The following CAMKMT variants were observed in gnomAD, a reference collection of about 807,000 sequenced individuals.
The protein encoded by CAMKMT is CaM KMT.
Under a neutral mutation model 48.0 loss-of-function variants are expected in CAMKMT, and 53 were observed. The observed-to-expected ratio is 1.10, with a 90% CI of 0.89 to 1.39. CAMKMT has a LOEUF of 1.39. Ranked by LOEUF, CAMKMT falls within the 40% of genes most tolerant of loss-of-function variation. CAMKMT has a pLI of 0.00. For missense variants in CAMKMT, 428 were observed against 402.7 expected, an observed-to-expected ratio of 1.06 and a Z score of -0.54; for synonymous variants, 165 against 152.3, an observed-to-expected ratio of 1.08 and a Z score of -0.61.
chr2:44,366,396 A>ATCTAAATTTTTGTTT (rs1333843592), intron 1 of CAMKMT, among the ~76,000 whole-genome samples: 1 of 152,170 alleles, frequency 6.6e-6, no homozygotes, highest in African/African-American at 2.4e-5. Context: ...TTGTTTTGGA[A>ATCTAAATTTTTGTTT]TGTATTTTTG....
chr2:44,405,063 T>A (rs911801570), intron 3 of CAMKMT, among the ~76,000 whole-genome samples: 1 of 152,048 alleles, frequency 6.6e-6, no homozygotes, highest in Admixed American at 6.6e-5. Context: ...TTGTAAAAAA[T>A]GAATGATAGA....
At chr2:44,769,362 G>A (rs1168554363) in intron 10 of CAMKMT, among the ~76,000 whole-genome samples, 1 of 152,184 alleles carries the variant, frequency 6.6e-6, no homozygotes, top group African/African-American at 2.4e-5. Flanking sequence ...CAGGAACCAG[G>A]CAGCCAAAGG....
chr2:44,593,963 G>A (rs1348697669), intron 3 of CAMKMT, among the ~76,000 whole-genome samples: 2 of 151,834 alleles, frequency 1.3e-5, no homozygotes, highest in Admixed American at 6.6e-5. Flanking sequence ...GGGTTTCTCT[G>A]TGTTGGTCAG....
chr2:44,388,412 T>A (rs573996195), intron 2 of CAMKMT, among the ~76,000 whole-genome samples: 2 of 152,154 alleles, frequency 1.3e-5, no homozygotes, highest in Non-Finnish European at 2.9e-5. Flanking sequence ...TCACTTCTTA[T>A]ATTGTTCTTT....
chr2:44,538,958 C>CTGTGTGTG (rs57970764), intron 3 of CAMKMT, among the ~76,000 whole-genome samples: 3 of 140,128 alleles, frequency 2.1e-5, no homozygotes, highest in Non-Finnish European at 3.1e-5. Flanking sequence ...GTGTGTGTGT[C>CTGTGTGTG]TGTGTGTGTG....
At chr2:44,701,876 TG>T (rs1438164846) in intron 3 of CAMKMT, among the ~76,000 whole-genome samples, 1 of 152,180 alleles carries the variant, frequency 6.6e-6, no homozygotes, top group Non-Finnish European at 1.5e-5. Flanking sequence ...AAGATCCCAT[TG>T]GTGTAAAATA....
chr2:44,489,557 T>C (rs1669384689), intron 3 of CAMKMT, among the ~76,000 whole-genome samples: 1 of 152,166 alleles, frequency 6.6e-6, no homozygotes, highest in Non-Finnish European at 1.5e-5. Context: ...GAATACTTTT[T>C]ATATTCTGAT....
At chr2:44,558,656 T>C (rs1200987301) in intron 3 of CAMKMT, among the ~76,000 whole-genome samples, 3 of 152,132 alleles carry the variant, frequency 2.0e-5, no homozygotes, top group Non-Finnish European at 4.4e-5. Flanking sequence ...TGGGAGGCCA[T>C]TATCCTAAGC....
intron 3 of CAMKMT, among the ~76,000 whole-genome samples, chr2:44,590,830 T>C (rs1319499859): frequency 6.6e-6 from 1 of 151,830 alleles, no homozygotes; most frequent in Non-Finnish European, 1.5e-5. Flanking sequence ...TCCTTGCCCA[T>C]GCCTATGTCC....
chr2:44,640,612 C>T (rs1294589344), intron 3 of CAMKMT, among the ~76,000 whole-genome samples: 2 of 152,180 alleles, frequency 1.3e-5, no homozygotes, highest in Non-Finnish European at 2.9e-5. Context: ...GCACACCACA[C>T]ACTGCCCAAT....
intron 3 of CAMKMT, among the ~76,000 whole-genome samples, chr2:44,394,572 C>T (rs765078438): frequency 2.0e-5 from 3 of 152,100 alleles, no homozygotes; most frequent in East Asian, 1.9e-4. Context: ...GGATTACAGG[C>T]GCCTGCTACT....
intron 3 of CAMKMT, among the ~76,000 whole-genome samples, chr2:44,691,372 C>A (rs547318237): frequency 6.6e-6 from 1 of 152,372 alleles, no homozygotes; most frequent in East Asian, 1.9e-4. Flanking sequence ...CTGTCTTCCC[C>A]TCCCTGCTTC....
chr2:44,616,243 T>C (rs1432838489), intron 3 of CAMKMT, among the ~76,000 whole-genome samples: 1 of 152,202 alleles, frequency 6.6e-6, no homozygotes, highest in African/African-American at 2.4e-5. Context: ...AGCTGAGTGA[T>C]CTTTGAAAAA....
intron 3 of CAMKMT, among the ~76,000 whole-genome samples, chr2:44,462,618 G>C (rs1015653658): frequency 6.6e-6 from 1 of 151,926 alleles, no homozygotes; most frequent in Non-Finnish European, 1.5e-5. Flanking sequence ...TTGTTGCTGG[G>C]TCAAAGGTTT....
chr2:44,384,899 G>T (rs575707367), intron 2 of CAMKMT, among the ~76,000 whole-genome samples: 1 of 152,106 alleles, frequency 6.6e-6, no homozygotes, highest in African/African-American at 2.4e-5. Flanking sequence ...TAGTATAGTT[G>T]AAATCAGGTA....
rs146323085 is a variant in CAMKMT at position 44,703,755 on chromosome 2, C to T, written c.377-528C>T. 2.6e-3 allele frequency among the ~76,000 whole-genome samples: 341 copies of T among 128,876 alleles called. 1 individual carries two copies. Among genetic ancestry groups the T allele is most frequent in the Admixed American group, 3.5e-3 (36 of 10,348 alleles). 84.5% of individuals were successfully genotyped at this position (128,876 alleles called of 152,430 possible). A position where few individuals can be genotyped will look rare whatever the true frequency, so the allele number is the denominator to read the frequency against. On this transcript the variant is annotated intron_variant, in intron 3 of 10. Coordinates refer to ENST00000378494, the MANE Select transcript of CAMKMT (RefSeq NM_024766.5). ...ATCTCGCCACTGCACTCCAGCCTGGCGACAGAGCAAGACTCTAAAAAAAAA... is the reference window on the plus strand; with the variant it reads ...ATCTCGCCACTGCACTCCAGCCTGGTGACAGAGCAAGACTCTAAAAAAAAA...
At chr2:44,715,678 T>C (rs549458367) in intron 7 of CAMKMT, among the ~76,000 whole-genome samples, 1 of 152,228 alleles carries the variant, frequency 6.6e-6, no homozygotes, top group African/African-American at 2.4e-5. Flanking sequence ...TTCCAGTGAG[T>C]CTCAGCCTAG....
chr2:44,665,088 T>C (rs894701331), intron 3 of CAMKMT, among the ~76,000 whole-genome samples: 1 of 152,210 alleles, frequency 6.6e-6, no homozygotes, highest in Non-Finnish European at 1.5e-5. Context: ...TTTTTGTTTT[T>C]GAGACTGAGT....
chr2:44,409,847 G>A (rs1683068808), intron 3 of CAMKMT, among the ~76,000 whole-genome samples: 1 of 152,108 alleles, frequency 6.6e-6, no homozygotes, highest in African/African-American at 2.4e-5. Context: ...TGTTCATTCA[G>A]TAATTCAGTT....
Sources: allele counts gnomAD v4.1 joint callset (sites outside exome capture counted in the v4.1 genomes callset), GRCh38; gene constraint gnomAD v4.1.1; transcripts MANE v1.5; gene names NCBI Gene and HGNC (gene_info 2026-07-23, HGNC 2026-07-21).